MTMR2: variants seen among roughly 807,000 people sequenced by gnomAD.
MTMR2 encodes myotubularin related protein 2.
MTMR2 carries 55 observed loss-of-function variants against 86.9 expected under a neutral mutation model. That is an observed-to-expected ratio of 0.63 (90% CI 0.51 to 0.79). The LOEUF is 0.79. MTMR2 is among the 30% of genes least tolerant of loss of function. MTMR2 has a pLI of 0.00. For missense variants in MTMR2, 659 were observed against 772.3 expected (o/e 0.85, Z 1.74); for synonymous variants, 241 against 266.8 (o/e 0.90, Z 0.94).
intron 13 of MTMR2, 32 bp downstream of exon 13, chr11:95,838,062 T>C (rs972154399): frequency 1.6e-6 from 2 of 1,238,624 alleles, no homozygotes; most frequent in Non-Finnish European, 2.4e-6. Context: ...ACAGTAGAGA[T>C]AGTATGGGGA....
intron 1 of MTMR2, among the ~76,000 whole-genome samples, chr11:95,918,501 T>G (rs527619297): frequency 1.2e-4 from 19 of 152,338 alleles, no homozygotes; most frequent in African/African-American, 4.6e-4. Context: ...AATATGTGCT[T>G]TCTGAAAAGC....
At chr11:95,898,450 T>G (rs1246469197) in intron 1 of MTMR2, among the ~76,000 whole-genome samples, 1 of 152,010 alleles carries the variant, frequency 6.6e-6, no homozygotes, top group Admixed American at 6.6e-5. Flanking sequence ...CCCTTGCTGT[T>G]GTTGGTGAAC....
At chr11:95,901,465 G>A (rs1866071577) in intron 1 of MTMR2, among the ~76,000 whole-genome samples, 1 of 152,164 alleles carries the variant, frequency 6.6e-6, no homozygotes, top group African/African-American at 2.4e-5. Context: ...TATTAAAAAT[G>A]TAAGGGATTT....
chr11:95,918,568 T>C (rs1205399307), intron 1 of MTMR2, among the ~76,000 whole-genome samples: 2 of 152,238 alleles, frequency 1.3e-5, no homozygotes, highest in East Asian at 1.9e-4. Flanking sequence ...CTTAGATCTT[T>C]GAGGGTTTTT....
chr11:95,916,783 G>A (rs919190460), intron 1 of MTMR2, among the ~76,000 whole-genome samples: 5 of 151,920 alleles, frequency 3.3e-5, no homozygotes, highest in African/African-American at 4.8e-5. Flanking sequence ...AATATTTAAA[G>A]AGCCCAAGAG....
At chr11:95,842,978 C>A (rs958117306) in intron 11 of MTMR2, among the ~76,000 whole-genome samples, 3 of 152,120 alleles carry the variant, frequency 2.0e-5, no homozygotes, top group South Asian at 2.1e-4. Flanking sequence ...TATGTGTTAA[C>A]TCTTTGCTAC....
intron 1 of MTMR2, among the ~76,000 whole-genome samples, chr11:95,891,849 A>G (rs1865726357): frequency 6.6e-6 from 1 of 151,988 alleles, no homozygotes; most frequent in Non-Finnish European, 1.5e-5. Flanking sequence ...AGGGGGAGAG[A>G]GGGAGGGAGA....
Position 95,888,148 on chromosome 11 carries a change from A to AC in MTMR2, c.186+7_186+8insG. 3 of 1,570,674 alleles carry AC rather than the reference A, an allele frequency of 1.9e-6. No homozygotes were observed. Among genetic ancestry groups the AC allele is most frequent in the Non-Finnish European group, 2.6e-6 (3 of 1,144,150 alleles). On this transcript the variant is annotated splice_region_variant and intron_variant, in intron 2 of 14. Transcript: ENST00000346299. ...TACTTCATCAGAACTTTAAAATAGTATACATACCCTCAAATCAGGAGAAAA... is the reference window on the plus strand; with the variant it reads ...TACTTCATCAGAACTTTAAAATAGTACTACATACCCTCAAATCAGGAGAAAA...
chr11:95,887,535 TAC>T (rs1245753492), intron 2 of MTMR2: 1 of 150,818 alleles, frequency 6.6e-6, no homozygotes, highest in East Asian at 1.9e-4. Context: ...TCCAGAAATG[TAC>T]AGAGTGCTAC....
Position 95,849,856 on chromosome 11 carries a change from A to C in MTMR2, c.811T>G (p.Ser271Ala). ...FRSRGRIPVL[S>A]WIHPESQATI... Reference sequence around the variant, plus strand: ...GCTTGACTTTCAGGATGAATCCATGATAAAACCTTAATGAGGAAAAAATGG... The same window carrying C: ...GCTTGACTTTCAGGATGAATCCATGCTAAAACCTTAATGAGGAAAAAATGG... Residue 271 changes from serine (S) to alanine (A), a missense_variant, in exon 9 of 15, where the codon TCA (serine) becomes GCA (alanine). Around this residue, in one of 3 missense-constraint regions of MTMR2, gnomAD observed 387 missense variants for 526.3 expected, o/e 0.74. Transcript: ENST00000346299. The C allele has an allele frequency of 6.2e-7, 1 of 1,614,002 alleles. No homozygotes were observed. Among genetic ancestry groups the C allele is most frequent in the Non-Finnish European group, 8.5e-7 (1 of 1,179,872 alleles).
chr11:95,888,355 A>C lies in MTMR2; in HGVS notation c.81-94T>G, dbSNP rs1865588830. On this transcript the variant is annotated intron_variant, in intron 1 of 14. Coordinates refer to ENST00000346299, the MANE Select transcript of MTMR2 (RefSeq NM_016156.6). ...TTAATATAACTCCAATATTTATTAA[A>C]ATTTCCACAGCCAACTAAGTTCTGC... The C allele has an allele frequency of 3.6e-6, 3 of 839,390 alleles. No homozygotes were observed. The Admixed American group carries it at 6.1e-5, about 17-fold the overall frequency. The allele number at this position is 839,390 out of a possible 1,614,324, so 52.0% of individuals were successfully genotyped here.
intron 2 of MTMR2, among the ~76,000 whole-genome samples, chr11:95,878,221 C>T (rs1425559204): frequency 1.3e-5 from 2 of 148,300 alleles, no homozygotes; most frequent in African/African-American, 5.0e-5. Context: ...ATTCTAACTA[C>T]ATGACATTCT....
At chr11:95,855,832 A>G (rs1864190468) in intron 7 of MTMR2, among the ~76,000 whole-genome samples, 1 of 152,210 alleles carries the variant, frequency 6.6e-6, no homozygotes, top group South Asian at 2.1e-4. Flanking sequence ...GCCATAAATG[A>G]TTCATTCAAG....
Position 95,844,841 on chromosome 11 carries a change from A to G in MTMR2, c.1386+112T>C, listed in dbSNP as rs1590978008. On this transcript the variant is annotated intron_variant, in intron 11 of 14. Coordinates refer to ENST00000346299, the MANE Select transcript of MTMR2 (RefSeq NM_016156.6). ...CAAAACAAGCAAAAACGTTTACCCC[A>G]CTAGATAAATGATCAATTTCAGATG... 5 of 984,914 alleles carry G rather than the reference A, an allele frequency of 5.1e-6. No homozygotes were observed. The East Asian group carries it at 1.3e-4, about 25-fold the overall frequency. 61.0% of individuals were successfully genotyped at this position (984,914 alleles called of 1,614,324 possible). A position where few individuals can be genotyped will look rare whatever the true frequency, so the allele number is the denominator to read the frequency against.
chr11:95,877,571 T>C (rs1048295198), intron 2 of MTMR2, among the ~76,000 whole-genome samples: 6 of 152,010 alleles, frequency 3.9e-5, no homozygotes. Flanking sequence ...TGCCTTAGAA[T>C]GTGACCTAAT....
chr11:95,855,667 G>C (rs1864184658), intron 7 of MTMR2, among the ~76,000 whole-genome samples: 1 of 152,060 alleles, frequency 6.6e-6, no homozygotes, highest in Non-Finnish European at 1.5e-5. Flanking sequence ...AGCCAGTCAT[G>C]ATATCTGTTT....
intron 12 of MTMR2, 29 bp from the exon 13 acceptor site, chr11:95,838,236 A>G: frequency 8.3e-7 from 1 of 1,206,986 alleles, no homozygotes; most frequent in Non-Finnish European, 1.2e-6. Flanking sequence ...AAACACATAA[A>G]TTAAGACATT....
At chr11:95,869,536 CCT>C (rs1296826332) in intron 2 of MTMR2, among the ~76,000 whole-genome samples, 1 of 152,116 alleles carries the variant, frequency 6.6e-6, no homozygotes. Context: ...TCAATCTCTC[CCT>C]GACTCCTAAC....
intron 1 of MTMR2, among the ~76,000 whole-genome samples, chr11:95,900,010 GA>G (rs1172181774): frequency 6.6e-6 from 1 of 152,046 alleles, no homozygotes; most frequent in Non-Finnish European, 1.5e-5. Context: ...CATCCACTGG[GA>G]AAAAAATTCT....
Sources: allele counts gnomAD v4.1 joint callset (sites outside exome capture counted in the v4.1 genomes callset), GRCh38; gene constraint gnomAD v4.1.1; regional missense constraint gnomAD v4.1.1; transcripts MANE v1.5; gene names NCBI Gene and HGNC (gene_info 2026-07-23, HGNC 2026-07-21).